The following SOX5 variants were observed in gnomAD, a reference collection of about 807,000 sequenced individuals.
SOX5 encodes transcription factor SOX-5.
SOX5 carries 9 observed loss-of-function variants against 92.0 expected under a neutral mutation model. The ratio of observed to expected loss-of-function variants is 0.10; its 90% confidence interval spans 0.06 to 0.17. The LOEUF (loss-of-function observed/expected upper bound fraction) is 0.17, where lower values mean the gene tolerates loss of function less well. SOX5 is among the 10% of genes least tolerant of loss of function. The pLI, the probability that SOX5 is intolerant of heterozygous loss-of-function variation, is 1.00. For synonymous variants in SOX5, 344 were observed against 336.3 expected, an observed-to-expected ratio of 1.02 and a Z score of -0.25; for missense variants, 642 against 944.5, an observed-to-expected ratio of 0.68 and a Z score of 4.20.
intron 3 of SOX5, among the ~76,000 whole-genome samples, chr12:24,214,606 A>G (rs1166596480): frequency 6.6e-6 from 1 of 152,118 alleles, no homozygotes; most frequent in Non-Finnish European, 1.5e-5. Context: ...CAAGCTTATT[A>G]AAATTGTATA....
chr12:23,934,575 A>G (rs1160156140), intron 1 of SOX5, among the ~76,000 whole-genome samples: 1 of 150,822 alleles, frequency 6.6e-6, no homozygotes, highest in Non-Finnish European at 1.5e-5. Context: ...GTTCTGATAA[A>G]TCCTGTATAA....
At chr12:23,762,240 A>G (rs938965801) in intron 3 of SOX5, among the ~76,000 whole-genome samples, 1 of 152,114 alleles carries the variant, frequency 6.6e-6, no homozygotes, top group Admixed American at 6.6e-5. Context: ...CTTCTAGGAA[A>G]TATCAAAAAA....
At chr12:23,956,467 G>A (rs190740934) in intron 4 of SOX5, among the ~76,000 whole-genome samples, 2 of 152,186 alleles carry the variant, frequency 1.3e-5, no homozygotes, top group Admixed American at 1.3e-4. Context: ...GTGCATGTGA[G>A]GGATCTAGGT....
chr12:23,785,232 C>T (rs1302586972), intron 3 of SOX5, among the ~76,000 whole-genome samples: 3 of 152,242 alleles, frequency 2.0e-5, no homozygotes, highest in Admixed American at 2.0e-4. Context: ...GACTGTTCCC[C>T]AACCTGAGAG....
chr12:24,250,230 G>T (rs2140150513), intron 3 of SOX5, among the ~76,000 whole-genome samples: 1 of 152,230 alleles, frequency 6.6e-6, no homozygotes, highest in East Asian at 1.9e-4. Flanking sequence ...TTTTAAAAAG[G>T]AATATAAATT....
chr12:24,113,019 T>G (rs1053689570), intron 4 of SOX5, among the ~76,000 whole-genome samples: 5 of 152,036 alleles, frequency 3.3e-5, no homozygotes, highest in Non-Finnish European at 5.9e-5. Context: ...GCGCTCATTT[T>G]TAAATAACAG....
intron 7 of SOX5, among the ~76,000 whole-genome samples, chr12:23,664,397 C>T (rs1420880387): frequency 1.4e-5 from 2 of 141,230 alleles, no homozygotes; most frequent in Non-Finnish European, 3.1e-5. Context: ...AATAATATTT[C>T]ACTATTTTTT....
At chr12:24,014,456 T>C (rs566344206) in intron 4 of SOX5, among the ~76,000 whole-genome samples, 1 of 152,290 alleles carries the variant, frequency 6.6e-6, no homozygotes, top group East Asian at 1.9e-4. Context: ...GCCCTTTCTC[T>C]GGTGACTATG....
intron 1 of SOX5, among the ~76,000 whole-genome samples, chr12:24,379,876 C>CTTT (rs10652256): frequency 1.4e-5 from 2 of 139,716 alleles, no homozygotes; most frequent in Non-Finnish European, 3.0e-5. Flanking sequence ...CCAGAAGATT[C>CTTT]TTTTTTTTTT....
chr12:23,982,266 T>A (rs1311891734), intron 4 of SOX5, among the ~76,000 whole-genome samples: 4 of 152,320 alleles, frequency 2.6e-5, no homozygotes, highest in Non-Finnish European at 5.9e-5. Flanking sequence ...ATTTTCACCC[T>A]CACCAGAATA....
At chr12:24,064,189 C>A (rs988364338) in intron 4 of SOX5, among the ~76,000 whole-genome samples, 1 of 152,180 alleles carries the variant, frequency 6.6e-6, no homozygotes, top group Non-Finnish European at 1.5e-5. Flanking sequence ...CTTCTAAGCT[C>A]CCTTGTGAGA....
chr12:23,533,254 T>A lies in SOX5; in HGVS notation c.*965A>T, dbSNP rs572340640. 18 of 422,066 alleles carry A rather than the reference T, an allele frequency of 4.3e-5. No homozygotes were observed. The highest frequency in any genetic ancestry group is 2.9e-4 in the South Asian group (17 of 59,250). The allele number at this position is 422,066 out of a possible 1,614,324, so 26.1% of individuals were successfully genotyped here. A position where few individuals can be genotyped will look rare whatever the true frequency, so the allele number is the denominator to read the frequency against. On this transcript the variant is annotated 3_prime_UTR_variant, in exon 15 of 15. Coordinates refer to ENST00000451604, the MANE Select transcript of SOX5 (RefSeq NM_006940.6). ...TTAGTACCATAATCACATACATACA[T>A]ACACACAAAAATCCAAGATCAGAAA...
At chr12:23,722,985 G>A (rs1185622844) in intron 6 of SOX5, among the ~76,000 whole-genome samples, 2 of 152,084 alleles carry the variant, frequency 1.3e-5, no homozygotes, top group Non-Finnish European at 2.9e-5. Context: ...AAGATATAAA[G>A]AAAACACATC....
chr12:24,390,488 T>C (rs1220594693), intron 1 of SOX5, among the ~76,000 whole-genome samples: 5 of 152,148 alleles, frequency 3.3e-5, no homozygotes, highest in Non-Finnish European at 5.9e-5. Context: ...CATGGATATA[T>C]TGCATAGTGA....
intron 6 of SOX5, among the ~76,000 whole-genome samples, chr12:23,725,322 C>T (rs1048474614): frequency 2.6e-5 from 4 of 152,074 alleles, no homozygotes; most frequent in Non-Finnish European, 5.9e-5. Context: ...CTGGGGAGGT[C>T]ACACAATCAT....
At chr12:24,279,841 T>A (rs1442383336) in intron 2 of SOX5, among the ~76,000 whole-genome samples, 2 of 152,162 alleles carry the variant, frequency 1.3e-5, no homozygotes, top group Admixed American at 1.3e-4. Flanking sequence ...TAGGCTGAAA[T>A]TTGTTTTCTG....
At chr12:23,739,719 A>G (rs1437848261) in intron 5 of SOX5, among the ~76,000 whole-genome samples, 1 of 152,186 alleles carries the variant, frequency 6.6e-6, no homozygotes. Flanking sequence ...ATCTCTGCAT[A>G]AAACACTCCT....
chr12:24,446,098 G>A (rs1941430423), intron 1 of SOX5, among the ~76,000 whole-genome samples: 1 of 152,180 alleles, frequency 6.6e-6, no homozygotes, highest in African/African-American at 2.4e-5. Flanking sequence ...CTATGTGCTA[G>A]TAACTGCTTT....
intron 3 of SOX5, among the ~76,000 whole-genome samples, chr12:23,818,747 T>C (rs1324790884): frequency 6.6e-6 from 1 of 152,194 alleles, no homozygotes; most frequent in Non-Finnish European, 1.5e-5. Context: ...ACATATTATT[T>C]CCTTATATCC....
Sources: allele counts gnomAD v4.1 joint callset (sites outside exome capture counted in the v4.1 genomes callset), GRCh38; gene constraint gnomAD v4.1.1; transcripts MANE v1.5; gene names NCBI Gene and HGNC (gene_info 2026-07-23, HGNC 2026-07-21).